SPIDR: variants seen among roughly 807,000 people sequenced by gnomAD.
The protein encoded by SPIDR is DNA repair-scaffolding protein.
A neutral mutation model predicts 104.6 loss-of-function variants in SPIDR; 93 were observed. The ratio of observed to expected loss-of-function variants is 0.89; its 90% confidence interval spans 0.75 to 1.06. The LOEUF (loss-of-function observed/expected upper bound fraction) is 1.06, where lower values mean the gene tolerates loss of function less well. Among genes scored for constraint, SPIDR ranks in the 50% least tolerant of loss-of-function variants. SPIDR has a pLI of 0.00. For missense variants in SPIDR, 1,154 were observed against 1,111.2 expected (o/e 1.04, Z -0.55); for synonymous variants, 431 against 416.9 (o/e 1.03, Z -0.41).
At chr8:47,285,038 G>A (rs1390581724) in intron 3 of SPIDR, among the ~76,000 whole-genome samples, 2 of 152,320 alleles carry the variant, frequency 1.3e-5, no homozygotes, top group Middle Eastern at 6.8e-3. Context: ...AACATTCGCA[G>A]TCTGTTTTGT....
intron 8 of SPIDR, among the ~76,000 whole-genome samples, chr8:47,534,157 T>C (rs551709216): frequency 1.3e-5 from 2 of 152,322 alleles, no homozygotes; most frequent in African/African-American, 2.4e-5. Flanking sequence ...TGCACCATGA[T>C]TGTAAGTTTC....
intron 8 of SPIDR, among the ~76,000 whole-genome samples, chr8:47,469,251 T>G (rs781960725): frequency 1.3e-5 from 2 of 152,158 alleles, no homozygotes; most frequent in Non-Finnish European, 2.9e-5. Context: ...GGTGGGAGTA[T>G]AAATTCCTTC....
At chr8:47,283,485 C>A (rs1469975378) in intron 2 of SPIDR, among the ~76,000 whole-genome samples, 2 of 152,076 alleles carry the variant, frequency 1.3e-5, no homozygotes, top group Non-Finnish European at 2.9e-5. Context: ...GAATAATTAT[C>A]AAAATATGAC....
At chr8:47,370,959 C>T (rs1006220734) in intron 5 of SPIDR, among the ~76,000 whole-genome samples, 3 of 151,978 alleles carry the variant, frequency 2.0e-5, no homozygotes, top group South Asian at 2.1e-4. Context: ...TGTCTCCTCT[C>T]CCATCCCCCC....
At chr8:47,377,191 A>G (rs2058757093) in intron 5 of SPIDR, among the ~76,000 whole-genome samples, 1 of 152,210 alleles carries the variant, frequency 6.6e-6, no homozygotes, top group Admixed American at 6.5e-5. Flanking sequence ...TACTATTTTT[A>G]ATGTATTTAG....
intron 19 of SPIDR, among the ~76,000 whole-genome samples, 196 bp from the exon 20 acceptor site, chr8:47,735,111 G>GGTGTGT (rs202076247): frequency 6.1e-4 from 83 of 135,252 alleles, no homozygotes; most frequent in African/African-American, 1.9e-3. Context: ...TGTGTGTGTG[G>GGTGTGT]GTGTGTGTGT....
At chr8:47,458,652 T>C (rs1554711349) in intron 8 of SPIDR, among the ~76,000 whole-genome samples, 1 of 152,084 alleles carries the variant, frequency 6.6e-6, no homozygotes, top group African/African-American at 2.4e-5. Context: ...CTGATGGCTC[T>C]GGCTAGGACT....
intron 8 of SPIDR, among the ~76,000 whole-genome samples, chr8:47,452,331 G>A (rs1367007910): frequency 6.6e-6 from 1 of 152,100 alleles, no homozygotes; most frequent in Admixed American, 6.5e-5. Flanking sequence ...TGTATTTAAA[G>A]ACCTGAAAGA....
rs1014562422 is a variant in SPIDR, at chr8:47,379,844, C to G, written c.526-16532C>G. Among the ~76,000 whole-genome samples the G allele has an allele frequency of 4.6e-5, 7 of 152,122 alleles. No individual in the cohort carries two copies. In the South Asian group the frequency reaches 8.3e-4, roughly 18 times the overall value. ...TGGAGCTTCTGGGTGAGGAGCACCC[C>G]CTGGGCCCACAGCTCAGGGCTGTCC... On this transcript the variant is annotated intron_variant, in intron 5 of 19. Transcript: ENST00000297423.
At chr8:47,523,684 T>A (rs1051026157) in intron 8 of SPIDR, among the ~76,000 whole-genome samples, 6 of 152,202 alleles carry the variant, frequency 3.9e-5, no homozygotes, top group Non-Finnish European at 5.9e-5. Context: ...CTCTTTTCCC[T>A]GTTACATAGT....
At chr8:47,643,587 A>G (rs1232181385) in intron 10 of SPIDR, among the ~76,000 whole-genome samples, 1 of 151,902 alleles carries the variant, frequency 6.6e-6, no homozygotes, top group Non-Finnish European at 1.5e-5. Flanking sequence ...CCTGCTCTCA[A>G]ACTCCTAGGC....
intron 5 of SPIDR, among the ~76,000 whole-genome samples, chr8:47,347,889 C>T (rs902176466): frequency 6.6e-6 from 1 of 152,000 alleles, no homozygotes; most frequent in Admixed American, 6.6e-5. Context: ...CTGATGGGTC[C>T]TGGCTCTATC....
At chr8:47,617,620 A>G (rs1261417562) in intron 10 of SPIDR, among the ~76,000 whole-genome samples, 1 of 152,184 alleles carries the variant, frequency 6.6e-6, no homozygotes, top group Non-Finnish European at 1.5e-5. Context: ...GTTAAATAGG[A>G]TAATATATAA....
At chr8:47,719,772 C>A (rs1017670729) in intron 16 of SPIDR, among the ~76,000 whole-genome samples, 2 of 152,004 alleles carry the variant, frequency 1.3e-5, no homozygotes, top group African/African-American at 4.8e-5. Flanking sequence ...TGAAGGAAAC[C>A]AGGGAAGCCA....
At chr8:47,546,841 G>A (rs534714838) in intron 8 of SPIDR, 25 of 281,020 alleles carry the variant, frequency 8.9e-5, no homozygotes, top group South Asian at 3.7e-4. Flanking sequence ...TCTTGTCTCC[G>A]TCTTCAGCAA....
intron 8 of SPIDR, among the ~76,000 whole-genome samples, chr8:47,491,737 T>C (rs139674309): frequency 0.012 from 1,794 of 152,190 alleles, 21 homozygotes; most frequent in Non-Finnish European, 0.018. Context: ...TAGTCCCAGC[T>C]GCTCCAAGAG....
intron 8 of SPIDR, among the ~76,000 whole-genome samples, chr8:47,451,886 G>T (rs556961697): frequency 6.6e-6 from 1 of 152,074 alleles, no homozygotes; most frequent in Non-Finnish European, 1.5e-5. Context: ...GTGATCAAGC[G>T]CAGCAATTAG....
At chr8:47,294,213 A>C in intron 5 of SPIDR, 183 bp downstream of exon 5, 1 of 671,468 alleles carries the variant, frequency 1.5e-6, no homozygotes, top group Non-Finnish European at 2.3e-6. Flanking sequence ...GTACTTCTCA[A>C]CATGGATAAA....
chr8:47,307,642 G>A (rs1461826518), intron 5 of SPIDR, among the ~76,000 whole-genome samples: 2 of 146,468 alleles, frequency 1.4e-5, no homozygotes, highest in African/African-American at 2.5e-5. Context: ...GGGTTCAAGC[G>A]ATTCTCATGC....
Sources: gnomAD v4.1 joint callset for allele counts (sites outside exome capture counted in the v4.1 genomes callset) on GRCh38, gnomAD v4.1.1 for gene constraint, MANE v1.5 for transcripts, NCBI Gene and HGNC (gene_info 2026-07-23, HGNC 2026-07-21) for gene names.